PDCL2: variants seen among roughly 807,000 people sequenced by gnomAD.
PDCL2 encodes the protein phosducin like 2.
A neutral mutation model predicts 30.3 loss-of-function variants in PDCL2; 23 were observed. The ratio of observed to expected loss-of-function variants is 0.76; its 90% CI spans 0.55 to 1.08. The LOEUF (loss-of-function observed/expected upper bound fraction) is 1.08. PDCL2 is among the 50% of genes least tolerant of loss of function. The probability of loss-of-function intolerance (pLI) is 0.00; values close to 1 mark genes in which losing one functional copy is unlikely to be tolerated. For synonymous variants in PDCL2, 68 were observed against 86.2 expected (o/e 0.79, Z 1.17); for missense variants, 243 against 282.3 (o/e 0.86, Z 1.00).
intron 3 of PDCL2, among the ~76,000 whole-genome samples, chr4:55,577,116 G>A (rs753329390): frequency 7.9e-5 from 12 of 152,138 alleles, no homozygotes; most frequent in Non-Finnish European, 1.2e-4. Flanking sequence ...AGGCTGGTTC[G>A]AACTCCTGAC....
chr4:55,590,986 T>A (rs1190299555), intron 1 of PDCL2, among the ~76,000 whole-genome samples: 1 of 152,178 alleles, frequency 6.6e-6, no homozygotes, highest in Non-Finnish European at 1.5e-5. Context: ...CAACAAAGAT[T>A]AATGTGATGT....
chr4:55,565,315 G>A (rs557506439), intron 4 of PDCL2, among the ~76,000 whole-genome samples: 1 of 152,238 alleles, frequency 6.6e-6, no homozygotes, highest in East Asian at 1.9e-4. Flanking sequence ...CCGTTCTCAT[G>A]CTGCTAATAA....
chr4:55,569,595 T>C, intron 4 of PDCL2, 123 bp downstream of exon 4: 1 of 500,846 alleles, frequency 2.0e-6, no homozygotes, highest in Non-Finnish European at 3.3e-6. Context: ...TATGGATGTA[T>C]ATGTGTGCAA....
intron 5 of PDCL2, among the ~76,000 whole-genome samples, chr4:55,558,462 CA>C (rs1270655105): frequency 2.6e-5 from 4 of 152,160 alleles, no homozygotes; most frequent in Non-Finnish European, 5.9e-5. Context: ...CCCATTCTGC[CA>C]TGATTGTAAG....
chr4:55,558,153 A>C (rs1261463061), intron 5 of PDCL2, among the ~76,000 whole-genome samples: 2 of 152,050 alleles, frequency 1.3e-5, no homozygotes, highest in Middle Eastern at 3.4e-3. Context: ...AATGAAGTGA[A>C]ATTTTAATAA....
chr4:55,563,374 A>C (rs59804446), intron 4 of PDCL2, among the ~76,000 whole-genome samples: 42,686 of 151,878 alleles, frequency 0.28, 6,609 homozygotes, highest in Middle Eastern at 0.4. Flanking sequence ...CTCTTTCTCC[A>C]TTTTACATAA....
intron 1 of PDCL2, among the ~76,000 whole-genome samples, chr4:55,583,491 C>T (rs1187602894): frequency 6.6e-6 from 1 of 152,090 alleles, no homozygotes; most frequent in East Asian, 1.9e-4. Context: ...ACTGCTTGGA[C>T]CAATAGTGTG....
Position 55,582,099 on chromosome 4 carries a change from C to G in PDCL2, c.127+18G>C, listed in dbSNP as rs747160458. The G allele has an allele frequency of 5.0e-6, 8 of 1,611,524 alleles. No individual in the cohort carries two copies. The highest frequency in any genetic ancestry group is 5.9e-6 in the Non-Finnish European group (7 of 1,179,288). On this transcript the variant is annotated intron_variant, in intron 2 of 5. Transcript: ENST00000295645. ...TGTATTATTCCCATCATCCAGCCCA[C>G]CAAATCTACGACCATACCCATTGCT...
Position 55,592,155 on chromosome 4 carries a change from G to C in PDCL2, c.-46C>G. 6.2e-7 allele frequency: 1 copy of C among 1,603,650 alleles called. No individual in the cohort carries two copies. The highest frequency in any genetic ancestry group is 8.5e-7 in the Non-Finnish European group (1 of 1,175,748). On this transcript the variant is annotated 5_prime_UTR_variant, in exon 1 of 6. Transcript: ENST00000295645. ...AAGAGCCCGCGTCGTCCTGCAGCTG[G>C]CGAGGCGCCACGGATGGAGACCCGC...
intron 5 of PDCL2, among the ~76,000 whole-genome samples, chr4:55,556,968 C>T (rs1731985396): frequency 6.6e-6 from 1 of 152,044 alleles, no homozygotes; most frequent in South Asian, 2.1e-4. Context: ...TGAGTAGCTG[C>T]AATTACAGGT....
chr4:55,557,727 A>G (rs1000011201), intron 5 of PDCL2, among the ~76,000 whole-genome samples: 2 of 152,148 alleles, frequency 1.3e-5, no homozygotes, highest in Non-Finnish European at 2.9e-5. Context: ...TCAAAGGTCC[A>G]GAGTCTCATC....
At chr4:55,577,607 A>T (rs1732604998) in intron 3 of PDCL2, among the ~76,000 whole-genome samples, 1 of 152,218 alleles carries the variant, frequency 6.6e-6, no homozygotes, top group Non-Finnish European at 1.5e-5. Context: ...ATCACCTAGC[A>T]AATTCCAAGT....
At chr4:55,559,148 G>A (rs1732059191) in intron 5 of PDCL2, among the ~76,000 whole-genome samples, 1 of 152,054 alleles carries the variant, frequency 6.6e-6, no homozygotes. Flanking sequence ...TGAAGATGTG[G>A]GTATATCTTC....
intron 1 of PDCL2, among the ~76,000 whole-genome samples, chr4:55,586,479 GGTTCGA>G (rs1732867288): frequency 2.6e-5 from 4 of 152,264 alleles, no homozygotes; most frequent in Admixed American, 2.6e-4. Context: ...ATGTTTTCAA[GGTTCGA>G]CTATGTTGTA....
intron 3 of PDCL2, among the ~76,000 whole-genome samples, chr4:55,576,617 T>A (rs947719420): frequency 1.3e-5 from 2 of 151,880 alleles, no homozygotes; most frequent in African/African-American, 4.8e-5. Context: ...CTTAAGATAA[T>A]CACTATGAAA....
chr4:55,590,358 G>A (rs185987542), intron 1 of PDCL2, among the ~76,000 whole-genome samples: 83 of 150,142 alleles, frequency 5.5e-4, no homozygotes, highest in Non-Finnish European at 9.9e-4. Context: ...TGCACCTGTA[G>A]TCCCAGCTAC....
rs776718803 is a variant in PDCL2, at chr4:55,570,752, G to A, written c.219-891C>T. Among the ~76,000 whole-genome samples the A allele has an allele frequency of 8.5e-5, 13 of 152,090 alleles. 1 individual carries two copies. The highest frequency in any genetic ancestry group is 2.6e-4 in the Admixed American group (4 of 15,270). On this transcript the variant is annotated intron_variant, in intron 3 of 5. Coordinates refer to ENST00000295645, the MANE Select transcript of PDCL2 (RefSeq NM_152401.3). ...AACATTTACATAATTTGACAATTTC[G>A]CTGTTGAACGCCTGGATTCATGAAG... is the stretch of plus-strand genomic sequence containing the variant.
chr4:55,562,572 G>A lies in PDCL2; in HGVS notation c.403C>T (p.Leu135=). ...CLLVNQHLSL[L]ARKFPETKFV... ...TTAGTTTCTGGAAACTTTCTTGCTA[G>A]AAGACTAAGATGCTGGTTAACCAAC... The change falls in exon 5 of 6, where the codon CTA becomes TTA. Residue 135 remains leucine, a synonymous_variant. Transcript: ENST00000295645. 1 of 1,603,716 alleles carries A rather than the reference G, an allele frequency of 6.2e-7. No homozygotes were observed. The highest frequency in any genetic ancestry group is 1.1e-5 in the South Asian group (1 of 89,010).
At chr4:55,589,094 C>T (rs898633651) in intron 1 of PDCL2, among the ~76,000 whole-genome samples, 1 of 152,112 alleles carries the variant, frequency 6.6e-6, no homozygotes, top group African/African-American at 2.4e-5. Context: ...CTCCTGACCT[C>T]GTGATCCGCC....
Sources: gnomAD v4.1 joint callset for allele counts (sites outside exome capture counted in the v4.1 genomes callset) on GRCh38, gnomAD v4.1.1 for gene constraint, MANE v1.5 for transcripts, NCBI Gene and HGNC (gene_info 2026-07-23, HGNC 2026-07-21) for gene names.